GALNT13: variants seen among roughly 807,000 people sequenced by gnomAD.
GALNT13 encodes polypeptide N-acetylgalactosaminyltransferase 13, also known as UDP-GalNAc:polypeptide N-acetylgalactosaminyltransferase 13.
Under a neutral mutation model 64.2 loss-of-function variants are expected in GALNT13, and 28 were observed. The observed-to-expected ratio is 0.44, with a 90% CI of 0.32 to 0.60. GALNT13 has a LOEUF of 0.60. Ranked by LOEUF, GALNT13 falls within the 20% of genes least tolerant of loss-of-function variation. The pLI, the probability that GALNT13 is intolerant of heterozygous loss-of-function variation, is 0.05. For synonymous variants in GALNT13, 214 were observed against 224.6 expected (o/e 0.95, Z 0.42); for missense variants, 577 against 669.8 (o/e 0.86, Z 1.53).
At chr2:153,570,092 T>A in the GALNT13 span, among the ~76,000 whole-genome samples, 1 of 152,180 alleles carries the variant, frequency 6.6e-6, no homozygotes, top group Non-Finnish European at 1.5e-5. Flanking sequence ...TTTCTCCACA[T>A]CCTCATCAGT....
At chr2:153,800,424 G>C in the GALNT13 span, among the ~76,000 whole-genome samples, 1 of 152,136 alleles carries the variant, frequency 6.6e-6, no homozygotes, top group South Asian at 2.1e-4. Flanking sequence ...GAAGCTTGGA[G>C]TGGCTGTGAA....
the GALNT13 span, among the ~76,000 whole-genome samples, chr2:153,524,565 G>A: frequency 4.6e-5 from 7 of 152,270 alleles, no homozygotes; most frequent in South Asian, 1.5e-3. Flanking sequence ...TGCAGTCGTG[G>A]GTGGTGTGGG....
chr2:153,920,817 C>A (rs928410601), intron 2 of GALNT13, among the ~76,000 whole-genome samples: 8 of 152,120 alleles, frequency 5.3e-5, no homozygotes, highest in Non-Finnish European at 1.2e-4. Context: ...GGGCAAACGA[C>A]ATGAACTGAC....
intron 4 of GALNT13, among the ~76,000 whole-genome samples, chr2:154,143,149 G>C (rs887345653): frequency 2.6e-5 from 4 of 152,076 alleles, no homozygotes; most frequent in African/African-American, 9.7e-5. Context: ...AGTTGATCAG[G>C]CATTAGATTC....
the GALNT13 span, among the ~76,000 whole-genome samples, chr2:153,267,504 G>T: frequency 6.6e-6 from 1 of 152,218 alleles, no homozygotes; most frequent in African/African-American, 2.4e-5. Flanking sequence ...ATTGGGGCTT[G>T]CACCCTCTAA....
the GALNT13 span, among the ~76,000 whole-genome samples, chr2:153,539,486 G>GT: frequency 6.6e-6 from 1 of 151,884 alleles, no homozygotes; most frequent in Admixed American, 6.6e-5. Context: ...GTCCTCAATG[G>GT]TAATGCCTAG....
At chr2:153,258,386 A>G in the GALNT13 span, among the ~76,000 whole-genome samples, 2 of 151,682 alleles carry the variant, frequency 1.3e-5, no homozygotes, top group Non-Finnish European at 1.5e-5. Flanking sequence ...AAACAAAACA[A>G]AACAAAACAA....
the GALNT13 span, among the ~76,000 whole-genome samples, chr2:153,818,040 A>G: frequency 6.6e-6 from 1 of 152,114 alleles, no homozygotes; most frequent in Non-Finnish European, 1.5e-5. Flanking sequence ...AAGTGACAGG[A>G]CCCACAGAGA....
chr2:153,110,509 G>A, the GALNT13 span, among the ~76,000 whole-genome samples: 1 of 152,238 alleles, frequency 6.6e-6, no homozygotes, highest in Admixed American at 6.5e-5. Context: ...TTAAACCTCA[G>A]TTCGTGCCCT....
At chr2:153,417,875 G>A in the GALNT13 span, among the ~76,000 whole-genome samples, 1 of 152,118 alleles carries the variant, frequency 6.6e-6, no homozygotes, top group Non-Finnish European at 1.5e-5. Context: ...TATCAGATAT[G>A]AGTCATATAA....
At chr2:154,117,496 A>G (rs1474822853) in intron 3 of GALNT13, among the ~76,000 whole-genome samples, 3 of 141,856 alleles carry the variant, frequency 2.1e-5, no homozygotes, top group Non-Finnish European at 4.4e-5. Context: ...CTTAGCTCCA[A>G]CATATGAGTG....
the GALNT13 span, among the ~76,000 whole-genome samples, chr2:153,329,969 CAG>C: frequency 2.0e-5 from 3 of 152,120 alleles, no homozygotes; most frequent in Admixed American, 6.6e-5. Context: ...TGAAAGGCAG[CAG>C]TCCAGTTTCA....
At chr2:154,391,544 A>C (rs1053723413) in intron 9 of GALNT13, among the ~76,000 whole-genome samples, 2 of 152,176 alleles carry the variant, frequency 1.3e-5, no homozygotes, top group Non-Finnish European at 2.9e-5. Flanking sequence ...AGCCCCATCC[A>C]AGCTGAAAGT....
chr2:153,873,748 A>G (rs1249152158), intron 1 of GALNT13, among the ~76,000 whole-genome samples: 2 of 152,038 alleles, frequency 1.3e-5, no homozygotes, highest in Admixed American at 6.5e-5. Flanking sequence ...GCCCCCTTGA[A>G]ATTTCTGGTA....
In GALNT13 at chr2:154,107,588, CA is replaced by C. The variant is rs145286349; in HGVS notation, c.143-32733del. On this transcript the variant is annotated intron_variant, in intron 3 of 12. Coordinates refer to ENST00000392825, the MANE Select transcript of GALNT13 (RefSeq NM_052917.4). ...TTGGCAACAGAGTGAGACTACATCA[CA>C]AAAAAAAAAAAAAAAGAAAGAAAAG... Among the ~76,000 whole-genome samples, 530 of 72,236 alleles carry C rather than the reference CA, an allele frequency of 7.3e-3. 1 individual carries two copies. The highest frequency in any genetic ancestry group is 0.016 in the African/African-American group (349 of 21,664). 47.4% of individuals were successfully genotyped at this position (72,236 alleles called of 152,430 possible).
chr2:153,850,820 T>C, the GALNT13 span, among the ~76,000 whole-genome samples: 1 of 151,912 alleles, frequency 6.6e-6, no homozygotes, highest in South Asian at 2.1e-4. Context: ...AGTTGAAGAA[T>C]AGCAACAGAA....
At chr2:153,838,012 T>A in the GALNT13 span, among the ~76,000 whole-genome samples, 34 of 152,092 alleles carry the variant, frequency 2.2e-4, no homozygotes, top group Non-Finnish European at 1.0e-4. Context: ...AATTCTTTGA[T>A]AATTAGTTGA....
the GALNT13 span, among the ~76,000 whole-genome samples, chr2:153,679,004 G>A: frequency 1.4e-4 from 22 of 151,926 alleles, no homozygotes; most frequent in Non-Finnish European, 5.9e-5. Flanking sequence ...GCTTCTCTGG[G>A]CCAGGAGCAT....
rs555059770 is a variant in GALNT13 at position 154,044,997 on chromosome 2, C to T, written c.143-95340C>T. Among the ~76,000 whole-genome samples, 11 of 151,998 alleles carry T rather than the reference C, an allele frequency of 7.2e-5. 1 individual carries two copies. In the South Asian group the frequency reaches 2.3e-3, roughly 32 times the overall value. On this transcript the variant is annotated intron_variant, in intron 3 of 12. Transcript: ENST00000392825. ...GGATGAGGTGTGTTATTGGTCAGTACCAGGGAAAAACAGAGGGCTTCTGAG... is the reference window on the plus strand; with the variant it reads ...GGATGAGGTGTGTTATTGGTCAGTATCAGGGAAAAACAGAGGGCTTCTGAG...
Sources: allele counts gnomAD v4.1 joint callset (sites outside exome capture counted in the v4.1 genomes callset), GRCh38; gene constraint gnomAD v4.1.1; transcripts MANE v1.5; gene names NCBI Gene and HGNC (gene_info 2026-07-23, HGNC 2026-07-21).